Variants in CDKAL1 observed in about 807,000 individuals in gnomAD.
The protein encoded by CDKAL1 is CDKAL1 threonylcarbamoyladenosine tRNA methylthiotransferase, also known as threonylcarbamoyladenosine tRNA methylthiotransferase.
CDKAL1 carries 32 observed loss-of-function variants against 68.2 expected under a neutral mutation model. The ratio of observed to expected loss-of-function variants is 0.47; its 90% CI spans 0.35 to 0.63. The LOEUF (loss-of-function observed/expected upper bound fraction) is 0.63, where lower values mean the gene tolerates loss of function less well. CDKAL1 is among the 30% of genes least tolerant of loss of function. The probability of loss-of-function intolerance (pLI) is 0.00; values close to 1 mark genes in which losing one functional copy is unlikely to be tolerated. For missense variants in CDKAL1, 606 were observed against 696.7 expected (o/e 0.87, Z 1.47); for synonymous variants, 234 against 244.3 (o/e 0.96, Z 0.39).
intron 4 of CDKAL1, among the ~76,000 whole-genome samples, chr6:20,613,245 C>CTTTCTTTTTT (rs1561966724): frequency 1.5e-5 from 1 of 67,390 alleles, no homozygotes; most frequent in Non-Finnish European, 3.1e-5. Flanking sequence ...CACAAAATTT[C>CTTTCTTTTTT]TTTCTTTTTT....
At chr6:21,211,740 G>C (rs1282742289) in intron 15 of CDKAL1, among the ~76,000 whole-genome samples, 1 of 152,084 alleles carries the variant, frequency 6.6e-6, no homozygotes, top group Non-Finnish European at 1.5e-5. Context: ...TTTCTATCAT[G>C]CATGTGGGAA....
intron 5 of CDKAL1, among the ~76,000 whole-genome samples, chr6:20,670,801 A>G (rs1769776701): frequency 6.6e-6 from 1 of 152,200 alleles, no homozygotes; most frequent in Admixed American, 6.5e-5. Context: ...TACTATAGAT[A>G]CTATTTTACT....
chr6:20,995,649 A>C (rs955117818), intron 10 of CDKAL1, among the ~76,000 whole-genome samples: 1 of 152,146 alleles, frequency 6.6e-6, no homozygotes, highest in Non-Finnish European at 1.5e-5. Context: ...ATGTGCTCTC[A>C]CCAGGCTTTG....
chr6:20,831,636 C>A (rs116043447), intron 8 of CDKAL1, among the ~76,000 whole-genome samples: 4 of 152,102 alleles, frequency 2.6e-5, no homozygotes, highest in Non-Finnish European at 5.9e-5. Context: ...TGCTTTGCAG[C>A]TTCTCCTCAG....
intron 9 of CDKAL1, among the ~76,000 whole-genome samples, chr6:20,925,481 G>A (rs915469462): frequency 6.6e-6 from 1 of 152,084 alleles, no homozygotes; most frequent in Admixed American, 6.6e-5. Flanking sequence ...ACTTACTATA[G>A]AATATACTGT....
At chr6:20,826,385 T>G (rs933101754) in intron 8 of CDKAL1, among the ~76,000 whole-genome samples, 3 of 152,216 alleles carry the variant, frequency 2.0e-5, no homozygotes, top group African/African-American at 7.2e-5. Context: ...GCTTTTCTTG[T>G]GAAAGTTGCT....
At chr6:20,841,646 C>T (rs915526937) in intron 8 of CDKAL1, among the ~76,000 whole-genome samples, 4 of 152,166 alleles carry the variant, frequency 2.6e-5, no homozygotes, top group African/African-American at 4.8e-5. Flanking sequence ...TGATGGCTCA[C>T]GCCTGTCATC....
chr6:21,102,995 A>T (rs1040273966), intron 12 of CDKAL1, among the ~76,000 whole-genome samples: 8 of 152,226 alleles, frequency 5.3e-5, no homozygotes, highest in African/African-American at 1.9e-4. Context: ...AGGCTTGCAG[A>T]ACATTTAAAT....
chr6:20,933,616 T>G (rs534484446), intron 9 of CDKAL1, among the ~76,000 whole-genome samples: 1 of 152,236 alleles, frequency 6.6e-6, no homozygotes, highest in African/African-American at 2.4e-5. Context: ...TGTAGACTGA[T>G]GGGTAATTAA....
intron 2 of CDKAL1, among the ~76,000 whole-genome samples, chr6:20,543,413 A>G (rs894073076): frequency 2.6e-5 from 4 of 151,704 alleles, no homozygotes; most frequent in Non-Finnish European, 2.9e-5. Context: ...TTCTGTGCTT[A>G]TTTGCCCTCT....
chr6:20,820,807 T>TG (rs1777245198), intron 8 of CDKAL1, among the ~76,000 whole-genome samples: 1 of 152,094 alleles, frequency 6.6e-6, no homozygotes, highest in African/African-American at 2.4e-5. Context: ...AGGGATATTG[T>TG]GGTAGGGATA....
chr6:21,011,514 C>T (rs374897184), intron 11 of CDKAL1, among the ~76,000 whole-genome samples: 8 of 152,074 alleles, frequency 5.3e-5, no homozygotes, highest in East Asian at 1.9e-4. Context: ...GGTTATAGAC[C>T]GTGTGTCTGG....
intron 2 of CDKAL1, among the ~76,000 whole-genome samples, chr6:20,540,268 T>A (rs1763338052): frequency 6.6e-6 from 1 of 151,028 alleles, no homozygotes; most frequent in Non-Finnish European, 1.5e-5. Context: ...AGAGATGGGG[T>A]TTCACCATGT....
chr6:20,739,180 C>T (rs2150323789), intron 5 of CDKAL1, among the ~76,000 whole-genome samples: 1 of 152,112 alleles, frequency 6.6e-6, no homozygotes, highest in South Asian at 2.1e-4. Context: ...AATAAGTAAC[C>T]TACTTGGAGA....
At chr6:21,087,307 A>G (rs1772747606) in intron 12 of CDKAL1, among the ~76,000 whole-genome samples, 1 of 152,144 alleles carries the variant, frequency 6.6e-6, no homozygotes, top group South Asian at 2.1e-4. Context: ...ACTGCCTTCT[A>G]AGGAGCGGGC....
intron 15 of CDKAL1, among the ~76,000 whole-genome samples, chr6:21,219,631 T>C (rs929736310): frequency 2.0e-5 from 3 of 152,242 alleles, no homozygotes; most frequent in Admixed American, 6.5e-5. Context: ...CCGTCTCCTT[T>C]ATTCGTTTTA....
intron 12 of CDKAL1, among the ~76,000 whole-genome samples, chr6:21,099,889 GCCTT>G (rs1773499350): frequency 6.6e-6 from 1 of 152,182 alleles, no homozygotes; most frequent in Non-Finnish European, 1.5e-5. Context: ...TAAGTCTCTT[GCCTT>G]CCTTATGTGC....
At chr6:20,995,849 C>T (rs1257386519) in intron 10 of CDKAL1, among the ~76,000 whole-genome samples, 1 of 152,164 alleles carries the variant, frequency 6.6e-6, no homozygotes, top group East Asian at 1.9e-4. Flanking sequence ...GTATTTACTT[C>T]TCTTCTCTAC....
intron 5 of CDKAL1, among the ~76,000 whole-genome samples, chr6:20,736,422 A>G (rs1406857377): frequency 6.6e-6 from 1 of 152,160 alleles, no homozygotes; most frequent in Non-Finnish European, 1.5e-5. Context: ...GGTATTTTTC[A>G]AGTATATTCT....
Sources: gnomAD v4.1 joint callset for allele counts (sites outside exome capture counted in the v4.1 genomes callset) on GRCh38, gnomAD v4.1.1 for gene constraint, MANE v1.5 for transcripts, NCBI Gene and HGNC (gene_info 2026-07-23, HGNC 2026-07-21) for gene names.